The following OPCML variants were observed in gnomAD, a reference collection of about 807,000 sequenced individuals.
OPCML encodes opioid-binding protein/cell adhesion molecule.
In OPCML, 13 loss-of-function variants were observed where a neutral mutation model predicts 37.8. That is an observed-to-expected ratio of 0.34 (90% CI 0.22 to 0.55). The LOEUF is 0.55. Ranked by LOEUF, OPCML falls within the 20% of genes least tolerant of loss-of-function variation. OPCML has a pLI of 0.91. For missense variants in OPCML, 341 were observed against 435.6 expected, an observed-to-expected ratio of 0.78 and a Z score of 1.93; for synonymous variants, 176 against 168.8, an observed-to-expected ratio of 1.04 and a Z score of -0.33.
intron 3 of OPCML, among the ~76,000 whole-genome samples, chr11:132,578,048 A>G (rs982263954): frequency 1.3e-5 from 2 of 152,158 alleles, no homozygotes; most frequent in African/African-American, 4.8e-5. Context: ...ATGCAACTCA[A>G]TATTGTTATT....
intron 2 of OPCML, among the ~76,000 whole-genome samples, chr11:132,926,125 G>C (rs1203511278): frequency 6.6e-6 from 1 of 152,144 alleles, no homozygotes; most frequent in Non-Finnish European, 1.5e-5. Context: ...AGAGACCCTT[G>C]TCCCTCTCAA....
intron 4 of OPCML, among the ~76,000 whole-genome samples, chr11:132,453,086 T>C (rs1022763283): frequency 6.6e-6 from 1 of 152,242 alleles, no homozygotes; most frequent in Non-Finnish European, 1.5e-5. Context: ...TTGACTGTTA[T>C]GACTTCCTTG....
chr11:133,048,187 T>C (rs887018860), intron 1 of OPCML, among the ~76,000 whole-genome samples: 3 of 152,178 alleles, frequency 2.0e-5, no homozygotes, highest in African/African-American at 7.2e-5. Context: ...GGCAATTTCA[T>C]AGGAGCTTTG....
intron 1 of OPCML, among the ~76,000 whole-genome samples, chr11:133,203,379 G>T (rs1448400979): frequency 1.3e-5 from 2 of 152,164 alleles, no homozygotes; most frequent in Non-Finnish European, 2.9e-5. Context: ...TCCTTTTGCT[G>T]CTGTTTCCTC....
chr11:132,702,229 A>G (rs1943854523), intron 2 of OPCML, among the ~76,000 whole-genome samples: 1 of 152,142 alleles, frequency 6.6e-6, no homozygotes, highest in African/African-American at 2.4e-5. Context: ...TCCATTTGGC[A>G]TTTATTGTAA....
intron 1 of OPCML, among the ~76,000 whole-genome samples, chr11:133,179,440 C>A (rs1321264643): frequency 6.6e-6 from 1 of 152,102 alleles, no homozygotes; most frequent in Non-Finnish European, 1.5e-5. Flanking sequence ...CCTGGGACTT[C>A]TCGGGAGGAG....
At chr11:132,628,721 G>A (rs1465192494) in intron 3 of OPCML, among the ~76,000 whole-genome samples, 6 of 152,048 alleles carry the variant, frequency 3.9e-5, no homozygotes, top group African/African-American at 9.7e-5. Context: ...TAATCCCCAC[G>A]TGTCGTGGGA....
rs1945645427 is a variant in OPCML at position 132,943,194 on chromosome 11, G to A, written c.62-184C>T. ...GGAAGCGGTGCGGGGAGGAGGGAAG[G>A]GGCAGAGTTCGCCAGGAGCAGGGGG... On this transcript the variant is annotated intron_variant, in intron 1 of 7. Transcript: ENST00000524381. The surrounding 1 kb of genome is among the most constrained non-coding windows in gnomAD (Gnocchi z 4.3). The A allele has an allele frequency of 1.3e-6, 2 of 1,558,388 alleles. No individual in the cohort carries two copies. The highest frequency in any genetic ancestry group is 2.7e-5 in the African/African-American group (2 of 73,622).
chr11:133,310,211 T>C (rs1943034515), intron 1 of OPCML, among the ~76,000 whole-genome samples: 1 of 152,210 alleles, frequency 6.6e-6, no homozygotes, highest in Non-Finnish European at 1.5e-5. Context: ...CTCATTTTTG[T>C]AGTGATACAA....
In OPCML at chr11:133,221,312, C is replaced by A. The variant is rs1209169919; in HGVS notation, c.62-278302G>T. ...GTTCGTAGGGAAAGCTGGGTCCCCT[C>A]AGTCTCATGCTCCCTGATCATTTCT... On this transcript the variant is annotated intron_variant, in intron 1 of 7. Transcript: ENST00000524381. 9.2e-5 allele frequency among the ~76,000 whole-genome samples: 14 copies of A among 152,278 alleles called. No homozygotes were observed. In the East Asian group the frequency reaches 2.7e-3, roughly 29 times the overall value.
intron 1 of OPCML, among the ~76,000 whole-genome samples, chr11:133,175,491 A>AG (rs1378825575): frequency 6.6e-6 from 1 of 151,906 alleles, no homozygotes; most frequent in Non-Finnish European, 1.5e-5. Flanking sequence ...ATAGAAAAAA[A>AG]AAAAAAACAG....
At chr11:132,820,094 TGAATGAATGAAA>T (rs1194414599) in intron 2 of OPCML, among the ~76,000 whole-genome samples, 1 of 45,452 alleles carries the variant, frequency 2.2e-5, no homozygotes, top group African/African-American at 6.9e-5. Flanking sequence ...AATGAATGAA[TGAATGAATGAAA>T]GAAACCAGAA....
chr11:132,986,733 T>C (rs1355561245), intron 1 of OPCML, among the ~76,000 whole-genome samples: 6 of 152,148 alleles, frequency 3.9e-5, no homozygotes, highest in African/African-American at 1.4e-4. Flanking sequence ...TGGTTCAGGA[T>C]TTAAAACACT....
chr11:133,006,075 C>A (rs1947105101), intron 1 of OPCML: 2 of 985,206 alleles, frequency 2.0e-6, no homozygotes, highest in African/African-American at 3.5e-5. Flanking sequence ...GGAGTGTGCT[C>A]ATAACAGTGA....
intron 3 of OPCML, among the ~76,000 whole-genome samples, chr11:132,608,331 G>A (rs1246940349): frequency 6.6e-6 from 1 of 152,180 alleles, no homozygotes; most frequent in Non-Finnish European, 1.5e-5. Context: ...TCTGCTCAGA[G>A]ACACAATACT....
At chr11:132,570,459 T>G (rs1375125601) in intron 3 of OPCML, among the ~76,000 whole-genome samples, 1 of 152,070 alleles carries the variant, frequency 6.6e-6, no homozygotes, top group Non-Finnish European at 1.5e-5. Flanking sequence ...AGGCAGGATA[T>G]GCTGATTTTC....
At chr11:132,432,299 A>C (rs2095999727) in intron 7 of OPCML, among the ~76,000 whole-genome samples, 1 of 152,172 alleles carries the variant, frequency 6.6e-6, no homozygotes, top group Admixed American at 6.5e-5. Flanking sequence ...AATTAGGCAT[A>C]ATTATGGGGG....
chr11:132,443,768 T>C (rs1472115154), intron 4 of OPCML, among the ~76,000 whole-genome samples: 1 of 152,214 alleles, frequency 6.6e-6, no homozygotes, highest in African/African-American at 2.4e-5. Context: ...CCCCACTGCT[T>C]CTTGTCCTTG....
chr11:132,670,953 T>C (rs1435320639), intron 2 of OPCML, among the ~76,000 whole-genome samples: 1 of 152,150 alleles, frequency 6.6e-6, no homozygotes, highest in African/African-American at 2.4e-5. Context: ...TCACAACCCA[T>C]AGACTGTGCT....
Sources: allele counts gnomAD v4.1 joint callset (sites outside exome capture counted in the v4.1 genomes callset), GRCh38; gene constraint gnomAD v4.1.1; non-coding constraint Gnocchi (gnomAD v3.1); transcripts MANE v1.5; gene names NCBI Gene and HGNC (gene_info 2026-07-23, HGNC 2026-07-21).